GALNT6: variants seen among roughly 807,000 people sequenced by gnomAD.
The protein encoded by GALNT6 is polypeptide N-acetylgalactosaminyltransferase 6.
Under a neutral mutation model 65.9 loss-of-function variants are expected in GALNT6, and 51 were observed. The ratio of observed to expected loss-of-function variants is 0.77; its 90% CI spans 0.62 to 0.98. The LOEUF (loss-of-function observed/expected upper bound fraction) is 0.98. Among genes scored for constraint, GALNT6 ranks in the 50% least tolerant of loss-of-function variants. GALNT6 has a pLI of 0.00. For missense variants in GALNT6, 708 were observed against 803.3 expected (o/e 0.88, Z 1.43); for synonymous variants, 323 against 315.1 (o/e 1.02, Z -0.26).
chr12:51,367,341 A>G (rs1947141293), intron 4 of GALNT6, among the ~76,000 whole-genome samples: 1 of 152,196 alleles, frequency 6.6e-6, no homozygotes, highest in Non-Finnish European at 1.5e-5. Context: ...AGGCTGAGGC[A>G]GGAGAACTGC....
At position 51,379,019 on chromosome 12, in the gene GALNT6, G is replaced by C. The variant is rs1305157770; in HGVS notation, c.491+272C>G. Among the ~76,000 whole-genome samples, 5 of 152,194 alleles carry C rather than the reference G, an allele frequency of 3.3e-5. No homozygotes were observed. The South Asian group carries it at 1.0e-3, about 32-fold the overall frequency. Reference sequence around the variant, plus strand: ...GTGCCAGGTCCTGGTGCCAGGCTGAGTTCCTTCTTCCACATCATCTCACTT... The same window carrying C: ...GTGCCAGGTCCTGGTGCCAGGCTGACTTCCTTCTTCCACATCATCTCACTT... On this transcript the variant is annotated intron_variant, in intron 3 of 11. Transcript: ENST00000356317.
intron 2 of GALNT6, among the ~76,000 whole-genome samples, chr12:51,389,877 A>C (rs4996094): frequency 3.3e-4 from 51 of 152,272 alleles, no homozygotes; most frequent in African/African-American, 1.2e-3. Flanking sequence ...ATGCTGCTAC[A>C]GGTAGGAGTC....
intron 9 of GALNT6, among the ~76,000 whole-genome samples, chr12:51,357,758 G>A (rs1345907273): frequency 6.6e-6 from 1 of 152,098 alleles, no homozygotes; most frequent in Admixed American, 6.6e-5. Flanking sequence ...TATAAGCAGT[G>A]GTTCTCAAAT....
rs572964405 is a variant in GALNT6 at position 51,378,686 on chromosome 12, T to C, written c.491+605A>G. 6.6e-5 allele frequency among the ~76,000 whole-genome samples: 10 copies of C among 152,194 alleles called. No individual in the cohort carries two copies. In the South Asian group the frequency reaches 2.1e-3, roughly 32 times the overall value. On this transcript the variant is annotated intron_variant, in intron 3 of 11. Transcript: ENST00000356317. ...CACACTGTCTTTAACTTGAGGATCA[T>C]GGGAATGCAGCCATGGGGGCGTTAG...
intron 6 of GALNT6, among the ~76,000 whole-genome samples, chr12:51,361,864 A>G (rs1349949888): frequency 6.6e-6 from 1 of 151,800 alleles, no homozygotes; most frequent in Non-Finnish European, 1.5e-5. Flanking sequence ...AAGCAGAAAG[A>G]TACAGAACCC....
Position 51,353,271 on chromosome 12 carries a change from T to G in GALNT6, c.*1108A>C, listed in dbSNP as rs1260075003. On this transcript the variant is annotated 3_prime_UTR_variant, in exon 12 of 12. Coordinates refer to ENST00000356317, the MANE Select transcript of GALNT6 (RefSeq NM_007210.4). ...CAGATAAAGTAAGATAAAGGACACC[T>G]GTCAAGGAGATATCTGTAAACAGTT... 1 of 152,180 alleles carries G rather than the reference T, an allele frequency of 6.6e-6. No homozygotes were observed. The highest frequency in any genetic ancestry group is 1.5e-5 in the Non-Finnish European group (1 of 68,034). The allele number at this position is 152,180 out of a possible 1,614,324, so 9.4% of individuals were successfully genotyped here.
chr12:51,354,405 G>A lies in GALNT6; in HGVS notation c.1843C>T (p.Pro615Ser). The A allele has an allele frequency of 6.3e-7, 1 of 1,578,556 alleles. No homozygotes were observed. The highest frequency in any genetic ancestry group is 2.4e-5 in the East Asian group (1 of 42,010). The change falls in exon 12 of 12, where the codon CCC becomes TCC. Residue 615 changes from proline (P) to serine (S), a missense_variant. Physicochemically the swap from Pro to Ser is moderately conservative, Grantham distance 74. Coordinates refer to ENST00000356317, the MANE Select transcript of GALNT6 (RefSeq NM_007210.4). The stretch of plus-strand genomic sequence containing the variant: ...TAGACAAAGAGCCACAACTGATGGG[G>A]GTCACTGGGATTGCAGGGGGCCATG... ...PAMAPCNPSD[P>S]HQLWLFV
chr12:51,355,719 G>A (rs568261687), intron 11 of GALNT6, 87 bp downstream of exon 11: 18 of 1,283,648 alleles, frequency 1.4e-5, no homozygotes, highest in South Asian at 7.8e-5. Context: ...TGCCCTCCTC[G>A]GCCTCTCAAA....
chr12:51,379,872 C>CT lies in GALNT6; in HGVS notation c.-92dup. 1 of 1,301,880 alleles carries CT rather than the reference C, an allele frequency of 7.7e-7. No individual in the cohort carries two copies. Among genetic ancestry groups the CT allele is most frequent in the Non-Finnish European group, 1.0e-6 (1 of 966,378 alleles). 80.6% of individuals were successfully genotyped at this position (1,301,880 alleles called of 1,614,324 possible). A position where few individuals can be genotyped will look rare whatever the true frequency, so the allele number is the denominator to read the frequency against. On this transcript the variant is annotated 5_prime_UTR_variant, in exon 3 of 12. Transcript: ENST00000356317. ...CTTGATACGTTGTGGTGGCCACAAG[C>CT]TGGGGCCTCAGCCTGAGAAAGGAGG...
At chr12:51,357,505 C>T (rs1946786993) in intron 9 of GALNT6, 55 bp from the exon 10 acceptor site, 2 of 1,361,664 alleles carry the variant, frequency 1.5e-6, no homozygotes, top group East Asian at 4.6e-5. Context: ...GGAGGTTCCT[C>T]ATGTGTGGTA....
chr12:51,370,636 T>C (rs1038829077), intron 4 of GALNT6, among the ~76,000 whole-genome samples: 3 of 152,212 alleles, frequency 2.0e-5, no homozygotes, highest in African/African-American at 4.8e-5. Flanking sequence ...ATTCCACTTA[T>C]GATAATCAAA....
At position 51,359,330 on chromosome 12, in the gene GALNT6, C is replaced by T. The variant is rs1946848459; in HGVS notation, c.1170G>A (p.Val390=). Residue 390 remains valine (V), a splice_region_variant and synonymous_variant, in exon 8 of 12, where the codon GTG becomes GTA. Transcript: ENST00000356317. The part of the protein sequence containing the change: ...GGENVEMSFR[V]WQCGGQLEII... ...TCTCCAGCTGGCCCCCACACTGCCA[C>T]ACCTGATGTAAGAGGAGACAGGATG... 3.7e-6 allele frequency: 6 copies of T among 1,607,240 alleles called. No individual in the cohort carries two copies. The highest frequency in any genetic ancestry group is 1.3e-5 in the African/African-American group (1 of 74,918).
intron 2 of GALNT6, among the ~76,000 whole-genome samples, chr12:51,385,236 G>A (rs568513113): frequency 1.3e-5 from 2 of 152,118 alleles, no homozygotes; most frequent in Non-Finnish European, 2.9e-5. Context: ...CAATCCTCCT[G>A]CCTTGACCTC....
intron 7 of GALNT6, 122 bp downstream of exon 7, chr12:51,360,599 T>C (rs1946888255): frequency 5.8e-6 from 4 of 689,780 alleles, no homozygotes; most frequent in Non-Finnish European, 1.1e-5. Flanking sequence ...CACTGGGAAA[T>C]AGCCACCCTT....
At chr12:51,381,988 T>C (rs1947688574) in intron 2 of GALNT6, among the ~76,000 whole-genome samples, 1 of 152,250 alleles carries the variant, frequency 6.6e-6, no homozygotes, top group Non-Finnish European at 1.5e-5. Context: ...AGAGGCCTGG[T>C]GTCTGAGACC....
Position 51,377,202 on chromosome 12 carries a change from G to A in GALNT6, c.657C>T (p.Ser219=). 6.2e-7 allele frequency: 1 copy of A among 1,613,512 alleles called. No homozygotes were observed. Among genetic ancestry groups the A allele is most frequent in the Non-Finnish European group, 8.5e-7 (1 of 1,179,932 alleles). Reference sequence around the variant, plus strand: ...GGGCCCCTCCAGCCTCACCCTCTGTGCTGGCATCATCCACCAGTATGATCT... The same window carrying A: ...GGGCCCCTCCAGCCTCACCCTCTGTACTGGCATCATCCACCAGTATGATCT... ...LKEIILVDDA[S]TEEHLKEKLE... is the part of the protein sequence containing the mutation. The change falls in exon 4 of 12, where the codon AGC becomes AGT. Residue 219 remains serine (S), a synonymous_variant. Coordinates refer to ENST00000356317, the MANE Select transcript of GALNT6 (RefSeq NM_007210.4).
chr12:51,379,672 G>T lies in GALNT6; in HGVS notation c.110C>A (p.Ala37Asp), dbSNP rs1378062905. Residue 37 changes from alanine to aspartate, a missense_variant, in exon 3 of 12, where the codon GCC becomes GAC. Transcript: ENST00000356317. ...LHRDVSSREEATEKPWLKSLV... is the reference protein window; with the variant it reads ...LHRDVSSREEDTEKPWLKSLV... ...GGACTTCAGCCACGGCTTCTCTGTGGCCTCCTCTCTGCTGCTCACATCCCT... is the reference window on the plus strand; with the variant it reads ...GGACTTCAGCCACGGCTTCTCTGTGTCCTCCTCTCTGCTGCTCACATCCCT... 1 of 1,614,138 alleles carries T rather than the reference G, an allele frequency of 6.2e-7. No homozygotes were observed. Among genetic ancestry groups the T allele is most frequent in the Admixed American group, 1.7e-5 (1 of 60,018 alleles).
rs1182101659 is a variant in GALNT6, at chr12:51,355,836, G to T, written c.1725C>A (p.Val575=). 1 of 1,613,760 alleles carries T rather than the reference G, an allele frequency of 6.2e-7. No homozygotes were observed. Among genetic ancestry groups the T allele is most frequent in the Non-Finnish European group, 8.5e-7 (1 of 1,179,822 alleles). ...SCHFTGKNSQ[V]PKDEEWELAQ... Reference sequence around the variant, plus strand: ...CCAATTCCCATTCCTCGTCCTTGGGGACCTGGCTATTCTTGCCAGTGAAGT... The same window carrying T: ...CCAATTCCCATTCCTCGTCCTTGGGTACCTGGCTATTCTTGCCAGTGAAGT... The change falls in exon 11 of 12, where the codon GTC becomes GTA. Residue 575 remains valine, a synonymous_variant. Coordinates refer to ENST00000356317, the MANE Select transcript of GALNT6 (RefSeq NM_007210.4).
Position 51,357,371 on chromosome 12 carries a change from CAGG to C in GALNT6, c.1577_1579del (p.Ser526del). On this transcript the variant is annotated inframe_deletion, in exon 10 of 12. Transcript: ENST00000356317. ...TACCTGGTTGCCGCCAAGGCCGTGG[CAGG>C]AGTACATGATGAGGGGCTTCCCCCC... 1 of 1,613,340 alleles carries C rather than the reference CAGG, an allele frequency of 6.2e-7. No homozygotes were observed. Among genetic ancestry groups the C allele is most frequent in the Non-Finnish European group, 8.5e-7 (1 of 1,179,296 alleles).
Sources: gnomAD v4.1 joint callset for allele counts (sites outside exome capture counted in the v4.1 genomes callset) on GRCh38, gnomAD v4.1.1 for gene constraint, MANE v1.5 for transcripts, NCBI Gene and HGNC (gene_info 2026-07-23, HGNC 2026-07-21) for gene names.